SLC15A1: variants seen among roughly 807,000 people sequenced by gnomAD.
SLC15A1 encodes the protein solute carrier family 15 member 1.
Under a neutral mutation model 92.9 loss-of-function variants are expected in SLC15A1, and 83 were observed. That is an observed-to-expected ratio of 0.89 (90% confidence interval 0.75 to 1.07). The LOEUF is 1.07. SLC15A1 is among the 50% of genes least tolerant of loss of function. The pLI, the probability that SLC15A1 is intolerant of heterozygous loss-of-function variation, is 0.00. For synonymous variants in SLC15A1, 322 were observed against 318.2 expected (o/e 1.01, Z -0.13); for missense variants, 857 against 880.1 (o/e 0.97, Z 0.33).
At chr13:98,703,860 T>G (rs2139574476) in intron 17 of SLC15A1, among the ~76,000 whole-genome samples, 1 of 152,262 alleles carries the variant, frequency 6.6e-6, no homozygotes, top group Non-Finnish European at 1.5e-5. Context: ...TTTTATTGCT[T>G]TTACCTGGTA....
chr13:98,724,523 A>G (rs188311299), intron 4 of SLC15A1, among the ~76,000 whole-genome samples: 1 of 152,198 alleles, frequency 6.6e-6, no homozygotes, highest in African/African-American at 2.4e-5. Context: ...AATTAACAAA[A>G]TTTTGGCCAG....
chr13:98,728,567 G>C (rs2139598028), intron 1 of SLC15A1, among the ~76,000 whole-genome samples: 1 of 152,286 alleles, frequency 6.6e-6, no homozygotes, highest in African/African-American at 2.4e-5. Flanking sequence ...GGAAGGGTAG[G>C]TGAAGGTGGG....
intron 1 of SLC15A1, among the ~76,000 whole-genome samples, chr13:98,729,682 T>C (rs1330222174): frequency 1.3e-5 from 2 of 152,194 alleles, no homozygotes; most frequent in East Asian, 3.9e-4. Flanking sequence ...TCCTTGCAGA[T>C]TTACTGCCTT....
chr13:98,703,998 C>G (rs1403305077), intron 17 of SLC15A1, among the ~76,000 whole-genome samples: 2 of 152,192 alleles, frequency 1.3e-5, no homozygotes, highest in Admixed American at 1.3e-4. Context: ...CATATGTACT[C>G]TGTGTGACTT....
At chr13:98,736,133 C>T (rs2088392106) in intron 1 of SLC15A1, among the ~76,000 whole-genome samples, 2 of 152,070 alleles carry the variant, frequency 1.3e-5, no homozygotes, top group Admixed American at 6.6e-5. Context: ...GGTACTGGTA[C>T]CAAAACAGAT....
At chr13:98,721,009 G>A (rs1483520191) in intron 7 of SLC15A1, 6 of 401,894 alleles carry the variant, frequency 1.5e-5, no homozygotes, top group South Asian at 5.5e-5. Flanking sequence ...CCAAGATCAC[G>A]CCACTGCGCT....
rs2088144286 is a variant in SLC15A1 at position 98,709,588 on chromosome 13, A to C, written c.1051T>G (p.Cys351Gly). 6.2e-7 allele frequency: 1 copy of C among 1,614,000 alleles called. No individual in the cohort carries two copies. Among genetic ancestry groups the C allele is most frequent in the African/African-American group, 1.3e-5 (1 of 74,900 alleles). The part of the protein sequence containing the change: ...DAVLYPLIAK[C>G]GFNFTSLKKM... ...GTCACCTACGTGAAATTGAAGCCAC[A>C]TTTTGCAATGAGAGGGTACAGCACA... The change falls in exon 14 of 23, where the codon TGT becomes GGT. Residue 351 changes from cysteine (C) to glycine (G), a missense_variant. Cys to Gly is a radical substitution (Grantham distance 159). Coordinates refer to ENST00000376503, the MANE Select transcript of SLC15A1 (RefSeq NM_005073.4).
At chr13:98,700,241 A>G (rs2088055809) in intron 18 of SLC15A1, among the ~76,000 whole-genome samples, 1 of 152,010 alleles carries the variant, frequency 6.6e-6, no homozygotes, top group South Asian at 2.1e-4. Context: ...AATCCCAGCA[A>G]TTCGGGAGTC....
rs565336972 is a variant in SLC15A1, at chr13:98,723,055, C to T, written c.365+857G>A. On this transcript the variant is annotated intron_variant, in intron 5 of 22. Coordinates refer to ENST00000376503, the MANE Select transcript of SLC15A1 (RefSeq NM_005073.4). The stretch of plus-strand genomic sequence containing the variant: ...AAGCTCACACAACTAGGAAAGGGCA[C>T]AGCCAGAATCTGGCTCCAAAGTCCA... 2.0e-5 allele frequency among the ~76,000 whole-genome samples: 3 copies of T among 152,300 alleles called. No individual in the cohort carries two copies. In the South Asian group the frequency reaches 6.2e-4, roughly 32 times the overall value.
chr13:98,734,412 T>A (rs1266897200), intron 1 of SLC15A1, among the ~76,000 whole-genome samples: 2 of 152,160 alleles, frequency 1.3e-5, no homozygotes, highest in East Asian at 3.9e-4. Flanking sequence ...TGAACCTGGT[T>A]CATCTCACTG....
intron 1 of SLC15A1, among the ~76,000 whole-genome samples, chr13:98,728,546 A>G (rs2088320842): frequency 6.6e-6 from 1 of 152,182 alleles, no homozygotes; most frequent in African/African-American, 2.4e-5. Flanking sequence ...AATGGTGGTT[A>G]CCAGAGGATG....
intron 1 of SLC15A1, among the ~76,000 whole-genome samples, chr13:98,733,387 G>C (rs552029575): frequency 6.6e-6 from 1 of 152,146 alleles, no homozygotes; most frequent in Non-Finnish European, 1.5e-5. Flanking sequence ...TTATTTGTTG[G>C]TAAAATGCTC....
rs1183496793 is a variant in SLC15A1 at position 98,704,377 on chromosome 13, G to A, written c.1328C>T (p.Pro443Leu). ...NKLTRINISSPGSPVTAVTDD... is the reference protein window; with the variant it reads ...NKLTRINISSLGSPVTAVTDD... ...AGTTACAGCAGTGACTGGTGATCCAGGAGAAGAAATGTTTATCCTTGTCAG... is the reference window on the plus strand; with the variant it reads ...AGTTACAGCAGTGACTGGTGATCCAAGAGAAGAAATGTTTATCCTTGTCAG... The change falls in exon 17 of 23, where the codon CCT becomes CTT. Residue 443 changes from proline to leucine, a missense_variant. Pro to Leu is a moderately conservative substitution (Grantham distance 98). Transcript: ENST00000376503. 3 of 1,613,966 alleles carry A rather than the reference G, an allele frequency of 1.9e-6. No individual in the cohort carries two copies. The highest frequency in any genetic ancestry group is 2.2e-5 in the South Asian group (2 of 91,048).
intron 8 of SLC15A1, among the ~76,000 whole-genome samples, chr13:98,718,459 A>G (rs1008498561): frequency 6.6e-6 from 1 of 151,686 alleles, no homozygotes; most frequent in African/African-American, 2.4e-5. Context: ...AGCTGGGACT[A>G]CAGGTATAAG....
At chr13:98,732,434 T>C (rs1295801286) in intron 1 of SLC15A1, among the ~76,000 whole-genome samples, 1 of 152,062 alleles carries the variant, frequency 6.6e-6, no homozygotes, top group Admixed American at 6.5e-5. Flanking sequence ...GTGTATATTA[T>C]ACATTTATAT....
intron 15 of SLC15A1, among the ~76,000 whole-genome samples, chr13:98,708,356 G>A (rs370727155): frequency 3.2e-4 from 49 of 152,314 alleles, no homozygotes; most frequent in African/African-American, 1.2e-3. Flanking sequence ...ACACACATTT[G>A]AAGTGATGCT....
chr13:98,703,226 A>G (rs1053488253), intron 17 of SLC15A1, among the ~76,000 whole-genome samples: 1 of 139,812 alleles, frequency 7.2e-6, no homozygotes, highest in Non-Finnish European at 1.5e-5. Flanking sequence ...AGAAAAGAGA[A>G]GAAAAGAGAA....
Position 98,712,494 on chromosome 13 carries a change from T to C in SLC15A1, c.810+4A>G, listed in dbSNP as rs374579303. 2.5e-6 allele frequency: 4 copies of C among 1,604,926 alleles called. No individual in the cohort carries two copies. Among genetic ancestry groups the C allele is most frequent in the Non-Finnish European group, 3.4e-6 (4 of 1,172,530 alleles). ...GGGTCATTGTAGCAATGACCGTTACTTACATCGTATTTCTCTTTAGCCCAG... is the reference window on the plus strand; with the variant it reads ...GGGTCATTGTAGCAATGACCGTTACCTACATCGTATTTCTCTTTAGCCCAG... On this transcript the variant is annotated splice_donor_region_variant and intron_variant, in intron 10 of 22. Coordinates refer to ENST00000376503, the MANE Select transcript of SLC15A1 (RefSeq NM_005073.4).
At chr13:98,689,609 C>A (rs2087959247) in intron 18 of SLC15A1, among the ~76,000 whole-genome samples, 1 of 151,760 alleles carries the variant, frequency 6.6e-6, no homozygotes, top group Non-Finnish European at 1.5e-5. Flanking sequence ...CAATGCCTGG[C>A]TAATTTTTAT....
Sources: allele counts gnomAD v4.1 joint callset (sites outside exome capture counted in the v4.1 genomes callset), GRCh38; gene constraint gnomAD v4.1.1; transcripts MANE v1.5; gene names NCBI Gene and HGNC (gene_info 2026-07-23, HGNC 2026-07-21).